Variants in NPSR1 observed in about 807,000 individuals in gnomAD.
The protein encoded by NPSR1 is neuropeptide S receptor 1, also known as neuropeptide S receptor.
Under a neutral mutation model 46.9 loss-of-function variants are expected in NPSR1, and 48 were observed. The observed-to-expected ratio is 1.02, with a 90% CI of 0.81 to 1.30. NPSR1 has a LOEUF of 1.30. Ranked by LOEUF, NPSR1 falls within the 50% of genes most tolerant of loss-of-function variation. The pLI, the probability that NPSR1 is intolerant of heterozygous loss-of-function variation, is 0.00. For missense variants in NPSR1, 450 were observed against 449.5 expected (o/e 1.00, Z -0.01); for synonymous variants, 176 against 168.1 (o/e 1.05, Z -0.36).
intron 8 of NPSR1, 123 bp from the exon 9 acceptor site, chr7:34,849,442 A>T: frequency 6.3e-7 from 1 of 1,595,188 alleles, no homozygotes; most frequent in Non-Finnish European, 8.6e-7. Flanking sequence ...TTACATGTAA[A>T]GTGCCTGGCA....
intron 3 of NPSR1, among the ~76,000 whole-genome samples, chr7:34,780,558 A>G (rs577310613): frequency 7.9e-5 from 12 of 152,194 alleles, no homozygotes; most frequent in Non-Finnish European, 1.5e-4. Flanking sequence ...AACACTTGCA[A>G]TTACTCAGGG....
At chr7:34,866,269 T>C (rs1208429091) in intron 8 of NPSR1, among the ~76,000 whole-genome samples, 3 of 151,574 alleles carry the variant, frequency 2.0e-5, no homozygotes, top group Non-Finnish European at 4.4e-5. Flanking sequence ...AAGTTCATGA[T>C]GTAGAATTCA....
Position 34,849,432 on chromosome 7 carries a change from T to C in NPSR1, c.1026-133T>C, listed in dbSNP as rs767840359. On this transcript the variant is annotated intron_variant, in intron 8 of 8. Transcript: ENST00000360581. ...GTCATGGAGAAGGAAGGTCAGGGTA[T>C]TACATGTAAAGTGCCTGGCACAGTT... The C allele has an allele frequency of 8.8e-6, 14 of 1,585,380 alleles. No homozygotes were observed. In the Middle Eastern group the frequency reaches 5.0e-4, roughly 56 times the overall value.
At chr7:34,705,058 T>A (rs1794030590) in intron 2 of NPSR1, among the ~76,000 whole-genome samples, 2 of 152,186 alleles carry the variant, frequency 1.3e-5, no homozygotes, top group African/African-American at 4.8e-5. Flanking sequence ...TTATGGTCTC[T>A]ATATTGTCTC....
At chr7:34,672,985 C>A (rs769324509) in intron 1 of NPSR1, among the ~76,000 whole-genome samples, 9 of 152,294 alleles carry the variant, frequency 5.9e-5, no homozygotes, top group Middle Eastern at 3.4e-3. Flanking sequence ...TGAATGGCCA[C>A]TATCTGTCCT....
At chr7:34,678,253 C>T (rs1336922498) in intron 1 of NPSR1, among the ~76,000 whole-genome samples, 3 of 116,284 alleles carry the variant, frequency 2.6e-5, no homozygotes, top group Admixed American at 1.1e-4. Flanking sequence ...GACAGAGTCT[C>T]ATTCTATCTC....
At chr7:34,792,575 G>A (rs953814180) in intron 3 of NPSR1, among the ~76,000 whole-genome samples, 1 of 75,010 alleles carries the variant, frequency 1.3e-5, no homozygotes, top group Admixed American at 1.2e-4. Context: ...ATATATATGT[G>A]TGTGTGTATA....
At chr7:34,798,766 C>G (rs1351132059) in intron 3 of NPSR1, among the ~76,000 whole-genome samples, 1 of 152,098 alleles carries the variant, frequency 6.6e-6, no homozygotes, top group African/African-American at 2.4e-5. Context: ...AGAAATTACA[C>G]AAAGTATACT....
rs778542621 is a variant in NPSR1, at chr7:34,778,554, C to T, written c.373C>T (p.Arg125Cys). ...TAPDLVCRVV[R>C]YLQVVLLYAS... ...ACCTGACCTGGTTTGCCGAGTGGTCCGCTATTTGCAGGTATGTCACACCTT... is the reference window on the plus strand; with the variant it reads ...ACCTGACCTGGTTTGCCGAGTGGTCTGCTATTTGCAGGTATGTCACACCTT... Residue 125 changes from arginine to cysteine, a missense_variant, in exon 3 of 9, where the codon CGC becomes TGC. Physicochemically the swap from Arg to Cys is radical, Grantham distance 180. Coordinates refer to ENST00000360581, the MANE Select transcript of NPSR1 (RefSeq NM_207172.2). The T allele has an allele frequency of 5.9e-5, 95 of 1,607,752 alleles. No homozygotes were observed. In the East Asian group the frequency reaches 1.1e-3, roughly 19 times the overall value.
At chr7:34,849,136 T>C (rs1790848553) in intron 8 of NPSR1, among the ~76,000 whole-genome samples, 1 of 152,258 alleles carries the variant, frequency 6.6e-6, no homozygotes, top group Non-Finnish European at 1.5e-5. Flanking sequence ...TTCAGCTGTT[T>C]TCCTGCATAA....
chr7:34,770,397 T>C (rs940763511), intron 2 of NPSR1, among the ~76,000 whole-genome samples: 2 of 152,212 alleles, frequency 1.3e-5, no homozygotes, highest in African/African-American at 2.4e-5. Context: ...CTCCAAGCTT[T>C]TGACACTTTG....
chr7:34,790,988 A>ATATATGTTATATGTTATAT (rs1787787282), intron 3 of NPSR1, among the ~76,000 whole-genome samples: 2 of 92,692 alleles, frequency 2.2e-5, no homozygotes, highest in Non-Finnish European at 4.1e-5. Context: ...ATGTTATATT[A>ATATATGTTATATGTTATAT]TATATGTTAT....
chr7:34,697,001 G>A (rs1028127165), intron 2 of NPSR1, among the ~76,000 whole-genome samples: 3 of 151,836 alleles, frequency 2.0e-5, no homozygotes, highest in South Asian at 2.1e-4. Context: ...ATACCAAAAT[G>A]TTTATAGGTA....
Position 34,834,435 on chromosome 7 carries a change from C to A in NPSR1, c.732C>A (p.Tyr244Ter), listed in dbSNP as rs199565777. The A allele has an allele frequency of 1.9e-6, 3 of 1,612,984 alleles. No individual in the cohort carries two copies. The East Asian group carries it at 6.7e-5, about 36-fold the overall frequency. ...IRTIWIKSKT[Y>*]ETVISNCSDG... ...CTATTTGGATTAAAAGCAAAACCTACGAAACAGTGATTTCCAACTGCTCAG... is the reference window on the plus strand; with the variant it reads ...CTATTTGGATTAAAAGCAAAACCTAAGAAACAGTGATTTCCAACTGCTCAG... Residue 244 changes from tyrosine (Y) to a stop codon, truncating the protein, a stop_gained, in exon 6 of 9, where the codon TAC becomes TAA. Transcript: ENST00000360581. LOFTEE classifies it high-confidence loss of function.
rs143746221 is a variant in NPSR1 at position 34,811,823 on chromosome 7, A to T, written c.438A>T (p.Arg146Ser). ...TCCTGGTGTCCCTCAGCATAGACAGATACCATGCCATCGTCTACCCCATGA... is the reference window on the plus strand; with the variant it reads ...TCCTGGTGTCCCTCAGCATAGACAGTTACCATGCCATCGTCTACCCCATGA... ...TYVLVSLSID[R>S]YHAIVYPMKF... The change falls in exon 4 of 9, where the codon AGA (arginine) becomes AGT (serine). Residue 146 changes from arginine (R) to serine (S), a missense_variant. By Grantham distance (110) the Arg-to-Ser change is moderately radical. Coordinates refer to ENST00000360581, the MANE Select transcript of NPSR1 (RefSeq NM_207172.2). The T allele has an allele frequency of 5.0e-6, 8 of 1,613,406 alleles. No homozygotes were observed. In the African/African-American group the frequency reaches 5.3e-5, roughly 11 times the overall value.
intron 2 of NPSR1, chr7:34,750,405 T>A: frequency 1.3e-6 from 1 of 745,302 alleles, no homozygotes; most frequent in Admixed American, 1.7e-5. Context: ...TGCTGGGTGT[T>A]CGGATGCCGA....
chr7:34,689,920 G>A (rs926485999), intron 2 of NPSR1, among the ~76,000 whole-genome samples: 1 of 150,976 alleles, frequency 6.6e-6, no homozygotes, highest in African/African-American at 2.4e-5. Context: ...ACTCCCATCT[G>A]GGTAACAAAG....
intron 2 of NPSR1, among the ~76,000 whole-genome samples, chr7:34,724,671 T>TA (rs1194465509): frequency 6.6e-6 from 1 of 152,092 alleles, no homozygotes; most frequent in African/African-American, 2.4e-5. Context: ...GAATTTGGGG[T>TA]AAAATCCCAG....
intron 2 of NPSR1, chr7:34,719,173 A>G (rs1043216427): frequency 6.6e-6 from 1 of 152,362 alleles, no homozygotes; most frequent in Non-Finnish European, 1.5e-5. Flanking sequence ...TGAGCACTCA[A>G]TACCTAATAA....
Sources: gnomAD v4.1 joint callset for allele counts (sites outside exome capture counted in the v4.1 genomes callset) on GRCh38, gnomAD v4.1.1 for gene constraint, MANE v1.5 for transcripts, NCBI Gene and HGNC (gene_info 2026-07-23, HGNC 2026-07-21) for gene names.